The following SLIT3 variants were observed in gnomAD, a reference collection of about 807,000 sequenced individuals.
The protein encoded by SLIT3 is slit guidance ligand 3.
Under a neutral mutation model 184.0 loss-of-function variants are expected in SLIT3, and 68 were observed. The observed-to-expected ratio is 0.37, with a 90% CI of 0.30 to 0.45. The LOEUF (loss-of-function observed/expected upper bound fraction) is 0.45, where lower values mean the gene tolerates loss of function less well. Ranked by LOEUF, SLIT3 falls within the 20% of genes least tolerant of loss-of-function variation. The pLI is 1.00. For missense variants in SLIT3, 1,707 were observed against 2,026.0 expected (o/e 0.84, Z 3.02); for synonymous variants, 831 against 828.6 (o/e 1.00, Z -0.05).
chr5:168,677,544 G>C (rs1761453139), intron 32 of SLIT3, among the ~76,000 whole-genome samples: 1 of 152,188 alleles, frequency 6.6e-6, no homozygotes, highest in Non-Finnish European at 1.5e-5. Context: ...CACCTCCCTG[G>C]TTCAAGCAAT....
intron 4 of SLIT3, among the ~76,000 whole-genome samples, chr5:168,949,735 G>A (rs1456587574): frequency 6.6e-6 from 1 of 152,064 alleles, no homozygotes; most frequent in Non-Finnish European, 1.5e-5. Flanking sequence ...TAGTAGCTAG[G>A]ACAACAGACA....
intron 10 of SLIT3, 58 bp downstream of exon 10, chr5:168,795,449 G>T: frequency 1.4e-6 from 2 of 1,396,562 alleles, no homozygotes; most frequent in Non-Finnish European, 2.0e-6. Flanking sequence ...ACTACACATT[G>T]CAAACAACCC....
intron 4 of SLIT3, among the ~76,000 whole-genome samples, chr5:168,923,313 A>AC (rs1002414100): frequency 1.6e-4 from 25 of 152,010 alleles, no homozygotes; most frequent in Non-Finnish European, 3.1e-4. Context: ...CTTATATCTG[A>AC]CCAACCACCA....
At chr5:168,725,590 C>A (rs1763084299) in intron 20 of SLIT3, among the ~76,000 whole-genome samples, 2 of 152,220 alleles carry the variant, frequency 1.3e-5, no homozygotes, top group Admixed American at 6.5e-5. Flanking sequence ...TGAGGCTAGA[C>A]CTAGGTCTAT....
intron 5 of SLIT3, among the ~76,000 whole-genome samples, chr5:168,856,664 G>C (rs1208049216): frequency 6.6e-6 from 1 of 152,000 alleles, no homozygotes; most frequent in Non-Finnish European, 1.5e-5. Context: ...ATTAGCCACT[G>C]TTTTGTATTT....
At chr5:168,731,670 G>A (rs1364406334) in intron 20 of SLIT3, among the ~76,000 whole-genome samples, 3 of 151,990 alleles carry the variant, frequency 2.0e-5, no homozygotes, top group South Asian at 2.1e-4. Flanking sequence ...ATCAATAAAT[G>A]TGCATCACAT....
intron 16 of SLIT3, among the ~76,000 whole-genome samples, chr5:168,757,938 TAAG>T (rs1755010744): frequency 6.6e-6 from 1 of 152,212 alleles, no homozygotes; most frequent in Admixed American, 6.5e-5. Context: ...TCAGAAAGGC[TAAG>T]GACATTCCTG....
intron 20 of SLIT3, among the ~76,000 whole-genome samples, chr5:168,737,927 T>A (rs1428031237): frequency 6.6e-6 from 1 of 152,238 alleles, no homozygotes; most frequent in African/African-American, 2.4e-5. Context: ...GGCCCTACCT[T>A]CACAGAGAGT....
intron 16 of SLIT3, among the ~76,000 whole-genome samples, chr5:168,754,251 G>C (rs1754819474): frequency 6.6e-6 from 1 of 152,192 alleles, no homozygotes; most frequent in African/African-American, 2.4e-5. Flanking sequence ...ATGGTCAGTG[G>C]ATGAATGGAT....
chr5:169,272,752 T>C (rs906601772), intron 1 of SLIT3, among the ~76,000 whole-genome samples: 1 of 152,172 alleles, frequency 6.6e-6, no homozygotes, highest in Non-Finnish European at 1.5e-5. Flanking sequence ...GAAAAAGAGA[T>C]GGAGGTGGCT....
At chr5:168,845,973 T>C (rs1000200401) in intron 5 of SLIT3, among the ~76,000 whole-genome samples, 3 of 152,162 alleles carry the variant, frequency 2.0e-5, no homozygotes, top group African/African-American at 7.2e-5. Context: ...CCAGGACAAC[T>C]CTCCACAAAA....
chr5:169,271,984 A>T (rs1042679551), intron 1 of SLIT3, among the ~76,000 whole-genome samples: 7 of 152,206 alleles, frequency 4.6e-5, no homozygotes, highest in Non-Finnish European at 8.8e-5. Context: ...GCAAGTGGGT[A>T]CAGAGGAGAG....
At chr5:169,185,690 A>T (rs1023798004) in intron 4 of SLIT3, among the ~76,000 whole-genome samples, 8 of 152,222 alleles carry the variant, frequency 5.3e-5, no homozygotes, top group Non-Finnish European at 1.2e-4. Context: ...GGGCTCTGTG[A>T]GTAGCAGAAA....
intron 20 of SLIT3, among the ~76,000 whole-genome samples, chr5:168,746,520 CGTGGGT>C (rs1754427729): frequency 9.6e-5 from 2 of 20,844 alleles, no homozygotes; most frequent in Non-Finnish European, 1.7e-4. Context: ...AGTGTGGTGG[CGTGGGT>C]GTGGCGGTGT....
intron 20 of SLIT3, among the ~76,000 whole-genome samples, chr5:168,748,068 C>T (rs1383267290): frequency 6.6e-6 from 1 of 152,090 alleles, no homozygotes; most frequent in East Asian, 1.9e-4. Flanking sequence ...GGGTCAGAGA[C>T]TCCTCCTCTG....
chr5:168,997,156 C>A (rs189043660), intron 4 of SLIT3, among the ~76,000 whole-genome samples: 9 of 152,224 alleles, frequency 5.9e-5, no homozygotes, highest in African/African-American at 2.2e-4. Flanking sequence ...TCTCTAAGAG[C>A]GACACCTGTA....
chr5:168,973,057 G>C (rs1383493727), intron 4 of SLIT3, among the ~76,000 whole-genome samples: 1 of 152,122 alleles, frequency 6.6e-6, no homozygotes, highest in African/African-American at 2.4e-5. Flanking sequence ...ACTTCAGTAT[G>C]TTAAGCTCCA....
chr5:169,200,105 C>T (rs749216), intron 3 of SLIT3, among the ~76,000 whole-genome samples: 8,120 of 152,264 alleles, frequency 0.053, 247 homozygotes, highest in South Asian at 0.12. Flanking sequence ...GAGGTATCAA[C>T]CTCACTGACA....
rs750302748 is a variant in SLIT3, at chr5:168,684,471, C to CTTAT, written c.3556-379_3556-376dup. On this transcript the variant is annotated intron_variant, in intron 31 of 35. Transcript: ENST00000519560. ...CTCTGTATAAAGAAGAATAATAAGT[C>CTTAT]TTATTTATTTATTTATTTATTTTTA... 2.2e-3 allele frequency among the ~76,000 whole-genome samples: 332 copies of CTTAT among 152,014 alleles called. 1 individual carries two copies. The highest frequency in any genetic ancestry group is 7.1e-3 in the African/African-American group (294 of 41,462).
Sources: allele counts gnomAD v4.1 joint callset (sites outside exome capture counted in the v4.1 genomes callset), GRCh38; gene constraint gnomAD v4.1.1; transcripts MANE v1.5; gene names NCBI Gene and HGNC (gene_info 2026-07-23, HGNC 2026-07-21).